The following CDIN1 variants were observed in gnomAD, a reference collection of about 807,000 sequenced individuals.
The protein encoded by CDIN1 is CDAN1-interacting nuclease 1.
In CDIN1, 33 loss-of-function variants were observed where a neutral mutation model predicts 45.3. That is an observed-to-expected ratio of 0.73 (90% confidence interval 0.55 to 0.97). The LOEUF (loss-of-function observed/expected upper bound fraction) is 0.97, where lower values mean the gene tolerates loss of function less well. CDIN1 is among the 50% of genes least tolerant of loss of function. The probability of loss-of-function intolerance (pLI) is 0.00; values close to 1 mark genes in which losing one functional copy is unlikely to be tolerated. For synonymous variants in CDIN1, 118 were observed against 124.4 expected (o/e 0.95, Z 0.34); for missense variants, 303 against 339.4 (o/e 0.89, Z 0.84).
intron 10 of CDIN1, among the ~76,000 whole-genome samples, chr15:36,773,270 C>T (rs2054126755): frequency 6.6e-6 from 1 of 152,118 alleles, no homozygotes; most frequent in Non-Finnish European, 1.5e-5. Context: ...GTGGATGGGG[C>T]AGTACATCCA....
chr15:36,593,118 C>T (rs2140195890), intron 1 of CDIN1, among the ~76,000 whole-genome samples: 1 of 152,256 alleles, frequency 6.6e-6, no homozygotes, highest in South Asian at 2.1e-4. Flanking sequence ...TGATACTACA[C>T]TGGTTGCTAC....
intron 10 of CDIN1, among the ~76,000 whole-genome samples, chr15:36,719,247 G>A (rs2043323799): frequency 6.6e-6 from 1 of 152,012 alleles, no homozygotes; most frequent in Admixed American, 6.6e-5. Flanking sequence ...AAAGACTGAT[G>A]TTAGCTATAG....
chr15:36,606,845 A>T (rs973979296), intron 1 of CDIN1, among the ~76,000 whole-genome samples: 5 of 152,162 alleles, frequency 3.3e-5, no homozygotes, highest in African/African-American at 1.2e-4. Context: ...GTTCCTGTCA[A>T]TTACCAGCAA....
intron 10 of CDIN1, among the ~76,000 whole-genome samples, chr15:36,741,801 C>G (rs1490820453): frequency 2.0e-5 from 3 of 152,180 alleles, no homozygotes; most frequent in Non-Finnish European, 4.4e-5. Context: ...CCCTAATGAC[C>G]TCATTGTAAC....
At chr15:36,644,180 A>G (rs2040219381) in intron 1 of CDIN1, 98 bp from the exon 2 acceptor site, 2 of 1,125,110 alleles carry the variant, frequency 1.8e-6, no homozygotes, top group Non-Finnish European at 2.6e-6. Flanking sequence ...GTTCTGTTAG[A>G]TTACAGGGCA....
intron 1 of CDIN1, among the ~76,000 whole-genome samples, chr15:36,589,419 G>A (rs1480196737): frequency 6.6e-6 from 1 of 152,014 alleles, no homozygotes; most frequent in African/African-American, 2.4e-5. Context: ...CTGCTGTCAA[G>A]TTGCTTAAAC....
chr15:36,686,334 C>T (rs2042043407), intron 5 of CDIN1, among the ~76,000 whole-genome samples: 1 of 147,084 alleles, frequency 6.8e-6, no homozygotes. Context: ...ACCGCATATT[C>T]TCACTCATAG....
intron 10 of CDIN1, among the ~76,000 whole-genome samples, chr15:36,712,069 G>C (rs759583967): frequency 1.1e-4 from 17 of 151,912 alleles, no homozygotes; most frequent in Non-Finnish European, 1.6e-4. Context: ...CTTCAGAATT[G>C]GAAGAAATTC....
At chr15:36,595,220 G>T (rs911156908) in intron 1 of CDIN1, among the ~76,000 whole-genome samples, 1 of 150,816 alleles carries the variant, frequency 6.6e-6, no homozygotes, top group African/African-American at 2.4e-5. Context: ...GTCTTGAAAG[G>T]CTTAGATGAT....
intron 10 of CDIN1, among the ~76,000 whole-genome samples, chr15:36,764,719 A>G (rs2053865405): frequency 6.6e-6 from 1 of 152,186 alleles, no homozygotes; most frequent in Non-Finnish European, 1.5e-5. Flanking sequence ...TTACTTAGGT[A>G]TGTAGTCACC....
At chr15:36,700,064 A>T (rs139726755) in intron 8 of CDIN1, among the ~76,000 whole-genome samples, 249 of 152,280 alleles carry the variant, frequency 1.6e-3, no homozygotes, top group African/African-American at 5.2e-3. Flanking sequence ...AGTCAGATGA[A>T]GTGTCTGCTT....
chr15:36,584,306 A>G (rs1175938161), intron 1 of CDIN1, among the ~76,000 whole-genome samples: 2 of 152,134 alleles, frequency 1.3e-5, no homozygotes, highest in Non-Finnish European at 2.9e-5. Context: ...GTGGTGGTAC[A>G]TGCTTGTAGT....
intron 10 of CDIN1, among the ~76,000 whole-genome samples, chr15:36,762,082 A>T (rs1241248720): frequency 1.3e-5 from 2 of 152,152 alleles, no homozygotes; most frequent in African/African-American, 4.8e-5. Context: ...TCATATCTAG[A>T]GAGTAAATTA....
intron 6 of CDIN1, 48 bp from the exon 7 acceptor site, chr15:36,692,078 G>A (rs533635333): frequency 2.5e-6 from 4 of 1,579,456 alleles, no homozygotes; most frequent in Non-Finnish European, 3.5e-6. Flanking sequence ...TACTGTAATA[G>A]TTTTTGTAGC....
chr15:36,630,130 A>G (rs754448634), intron 1 of CDIN1, among the ~76,000 whole-genome samples: 2 of 152,084 alleles, frequency 1.3e-5, no homozygotes, highest in Non-Finnish European at 2.9e-5. Context: ...GAAGTTAATT[A>G]TTTTCCTTGA....
At chr15:36,766,126 AT>A (rs2053918361) in intron 10 of CDIN1, among the ~76,000 whole-genome samples, 1 of 152,082 alleles carries the variant, frequency 6.6e-6, no homozygotes, top group Non-Finnish European at 1.5e-5. Context: ...GAATTTGACT[AT>A]TTTAGATACC....
At chr15:36,769,765 C>A (rs737201) in intron 10 of CDIN1, among the ~76,000 whole-genome samples, 127,743 of 152,084 alleles carry the variant, frequency 0.84, 55,031 homozygotes, top group East Asian at 0.95. Flanking sequence ...AAGCAGTCAG[C>A]CTTAGAAACC....
chr15:36,761,497 T>G (rs1172096039), intron 10 of CDIN1, among the ~76,000 whole-genome samples: 1 of 152,224 alleles, frequency 6.6e-6, no homozygotes, highest in Non-Finnish European at 1.5e-5. Context: ...CTTTCTTCTT[T>G]GCTGCCACAA....
intron 10 of CDIN1, among the ~76,000 whole-genome samples, chr15:36,722,442 T>C (rs2043458405): frequency 1.3e-5 from 2 of 152,146 alleles, no homozygotes; most frequent in Admixed American, 6.5e-5. Context: ...GTCTTTAATA[T>C]GTTCAAGGCC....
Sources: allele counts gnomAD v4.1 joint callset (sites outside exome capture counted in the v4.1 genomes callset), GRCh38; gene constraint gnomAD v4.1.1; transcripts MANE v1.5; gene names NCBI Gene and HGNC (gene_info 2026-07-23, HGNC 2026-07-21).